Variants in NEGR1 observed in about 807,000 individuals in gnomAD.
The protein encoded by NEGR1 is IgLON family member 4.
In NEGR1, 10 loss-of-function variants were observed where a neutral mutation model predicts 40.9. The ratio of observed to expected loss-of-function variants is 0.24; its 90% CI spans 0.15 to 0.42. NEGR1 has a LOEUF of 0.42. NEGR1 is among the 10% of genes least tolerant of loss of function. The pLI, the probability that NEGR1 is intolerant of heterozygous loss-of-function variation, is 1.00. For missense variants in NEGR1, 352 were observed against 438.9 expected (o/e 0.80, Z 1.77); for synonymous variants, 185 against 166.8 (o/e 1.11, Z -0.84).
intron 3 of NEGR1, among the ~76,000 whole-genome samples, chr1:71,726,339 CT>C (rs1654674145): frequency 6.6e-6 from 1 of 152,076 alleles, no homozygotes. Context: ...ACAACTACTT[CT>C]TTGCTCTGCA....
chr1:72,186,390 T>A (rs534249775), intron 1 of NEGR1, among the ~76,000 whole-genome samples: 1 of 151,838 alleles, frequency 6.6e-6, no homozygotes, highest in Admixed American at 6.6e-5. Flanking sequence ...TTAGAGAGTT[T>A]ATATCTTTAA....
intron 1 of NEGR1, among the ~76,000 whole-genome samples, chr1:72,129,809 A>C (rs140842849): frequency 3.8e-3 from 581 of 152,328 alleles, no homozygotes; most frequent in African/African-American, 0.013. Flanking sequence ...TTTTGTTCTC[A>C]TACTCTATTC....
intron 1 of NEGR1, among the ~76,000 whole-genome samples, chr1:72,252,877 G>T (rs1316073122): frequency 6.6e-6 from 1 of 152,126 alleles, no homozygotes; most frequent in Non-Finnish European, 1.5e-5. Flanking sequence ...ACAGGGCAAG[G>T]TGAAATTTTC....
At chr1:71,643,262 C>T (rs757312323) in intron 4 of NEGR1, among the ~76,000 whole-genome samples, 3 of 151,920 alleles carry the variant, frequency 2.0e-5, no homozygotes, top group Non-Finnish European at 4.4e-5. Context: ...ACACAGTTAC[C>T]AGAGAACATT....
At chr1:72,064,972 T>C (rs1447033959) in intron 1 of NEGR1, among the ~76,000 whole-genome samples, 1 of 152,080 alleles carries the variant, frequency 6.6e-6, no homozygotes, top group Non-Finnish European at 1.5e-5. Context: ...GTTTTATTAT[T>C]ATTATTTTCA....
intron 3 of NEGR1, among the ~76,000 whole-genome samples, chr1:71,742,637 C>T (rs536671225): frequency 2.6e-5 from 4 of 152,064 alleles, no homozygotes; most frequent in Non-Finnish European, 5.9e-5. Context: ...TTTGGAAGCA[C>T]ATAACTTGTC....
intron 1 of NEGR1, among the ~76,000 whole-genome samples, chr1:72,087,209 G>T (rs1023239756): frequency 6.6e-6 from 1 of 152,086 alleles, no homozygotes; most frequent in Admixed American, 6.6e-5. Flanking sequence ...ATGAGTTCAG[G>T]AGTTTGAGGC....
chr1:71,764,650 T>A (rs1656058753), intron 3 of NEGR1, among the ~76,000 whole-genome samples: 1 of 152,112 alleles, frequency 6.6e-6, no homozygotes, highest in Admixed American at 6.5e-5. Context: ...ATGAGAGCAT[T>A]GAAGATGAGG....
At chr1:72,070,882 G>A (rs1352075703) in intron 1 of NEGR1, among the ~76,000 whole-genome samples, 1 of 151,850 alleles carries the variant, frequency 6.6e-6, no homozygotes, top group Non-Finnish European at 1.5e-5. Flanking sequence ...TATAATAAAG[G>A]TATTAAGTTT....
chr1:71,660,706 T>G (rs1187786633), intron 4 of NEGR1, among the ~76,000 whole-genome samples: 1 of 152,126 alleles, frequency 6.6e-6, no homozygotes, highest in Non-Finnish European at 1.5e-5. Context: ...TTTCTTCTTA[T>G]TATTATTATT....
chr1:71,673,276 T>C (rs1652497840), intron 4 of NEGR1, among the ~76,000 whole-genome samples: 1 of 152,140 alleles, frequency 6.6e-6, no homozygotes, highest in Non-Finnish European at 1.5e-5. Flanking sequence ...CATCAGCCTA[T>C]TATCATACTA....
At chr1:71,756,402 A>C (rs1484524866) in intron 3 of NEGR1, among the ~76,000 whole-genome samples, 5 of 59,808 alleles carry the variant, frequency 8.4e-5, no homozygotes, top group African/African-American at 2.6e-4. Flanking sequence ...AACAAAAAAC[A>C]AAAACAAACA....
At chr1:71,898,983 T>TAGG (rs1557692902) in intron 2 of NEGR1, among the ~76,000 whole-genome samples, 6 of 32,162 alleles carry the variant, frequency 1.9e-4, no homozygotes, top group Admixed American at 3.1e-4. Context: ...ATATATAGCA[T>TAGG]ATATATATAT....
intron 2 of NEGR1, among the ~76,000 whole-genome samples, chr1:71,865,519 A>AGTGGGAGCTGAACAAT (rs548713349): frequency 1.3e-5 from 2 of 152,106 alleles, no homozygotes; most frequent in Non-Finnish European, 2.9e-5. Flanking sequence ...CTCACTCATA[A>AGTGGGAGCTGAACAAT]GTGGGAGCTG....
chr1:72,050,851 A>T (rs935339415), intron 1 of NEGR1, among the ~76,000 whole-genome samples: 1 of 151,506 alleles, frequency 6.6e-6, no homozygotes, highest in Non-Finnish European at 1.5e-5. Flanking sequence ...ATGAGGATAC[A>T]CTAGCAATTG....
rs35692576 is a variant in NEGR1, at chr1:71,568,829, CGTGTGTGTGTGT to C, written c.940+23976_940+23987del. Among the ~76,000 whole-genome samples, 7 of 147,586 alleles carry C rather than the reference CGTGTGTGTGTGT, an allele frequency of 4.7e-5. No individual in the cohort carries two copies. The East Asian group carries it at 8.2e-4, about 17-fold the overall frequency. On this transcript the variant is annotated intron_variant, in intron 6 of 6. Transcript: ENST00000357731. ...GTGTGTGTATGTGTATATATGTATA[CGTGTGTGTGTGT>C]GTGTGTGTGTGTGTGTGTGTGTGTG...
chr1:71,634,080 C>A (rs180806475), intron 4 of NEGR1, among the ~76,000 whole-genome samples: 1 of 152,114 alleles, frequency 6.6e-6, no homozygotes, highest in Non-Finnish European at 1.5e-5. Context: ...TTATTTTATA[C>A]TTATGTGGCT....
intron 1 of NEGR1, among the ~76,000 whole-genome samples, chr1:72,093,651 C>CT (rs35995024): frequency 5.9e-5 from 9 of 152,002 alleles, no homozygotes; most frequent in Non-Finnish European, 1.0e-4. Flanking sequence ...TGATGTGCTT[C>CT]TTTTTTTTAA....
At chr1:71,425,229 C>G (rs1646421381) in intron 6 of NEGR1, among the ~76,000 whole-genome samples, 1 of 152,042 alleles carries the variant, frequency 6.6e-6, no homozygotes, top group Admixed American at 6.5e-5. Flanking sequence ...CTTCCTGGAG[C>G]AGGAAGGCTT....
Sources: gnomAD v4.1 joint callset for allele counts (sites outside exome capture counted in the v4.1 genomes callset) on GRCh38, gnomAD v4.1.1 for gene constraint, MANE v1.5 for transcripts, NCBI Gene and HGNC (gene_info 2026-07-23, HGNC 2026-07-21) for gene names.